Variants in ANKFN1 observed in about 807,000 individuals in gnomAD.
ANKFN1 encodes ankyrin repeat and fibronectin type-III domain-containing protein 1.
ANKFN1 carries 74 observed loss-of-function variants against 108.7 expected under a neutral mutation model. That is an observed-to-expected ratio of 0.68 (90% CI 0.56 to 0.83). The LOEUF (loss-of-function observed/expected upper bound fraction) is 0.83, where lower values mean the gene tolerates loss of function less well. ANKFN1 is among the 40% of genes least tolerant of loss of function. The probability of loss-of-function intolerance (pLI) is 0.00; values close to 1 mark genes in which losing one functional copy is unlikely to be tolerated. For synonymous variants in ANKFN1, 547 were observed against 516.2 expected, an observed-to-expected ratio of 1.06 and a Z score of -0.81; for missense variants, 1,505 against 1,382.3, an observed-to-expected ratio of 1.09 and a Z score of -1.41.
At chr17:56,167,701 A>G (rs1910281776) in intron 1 of ANKFN1, among the ~76,000 whole-genome samples, 2 of 152,136 alleles carry the variant, frequency 1.3e-5, no homozygotes, top group African/African-American at 2.4e-5. Context: ...GGCAAGCAGG[A>G]AGCTCTGCAC....
chr17:56,223,219 A>G (rs1047534996), intron 2 of ANKFN1, among the ~76,000 whole-genome samples: 10 of 152,232 alleles, frequency 6.6e-5, no homozygotes, highest in Admixed American at 5.9e-4. Context: ...TAGAAGGATA[A>G]CCTCACATGC....
intron 8 of ANKFN1, among the ~76,000 whole-genome samples, chr17:56,434,915 A>G (rs1293258752): frequency 6.6e-6 from 1 of 152,138 alleles, no homozygotes; most frequent in Non-Finnish European, 1.5e-5. Flanking sequence ...TCCGTTCATT[A>G]GCTAAGGCGC....
At chr17:56,187,297 A>G (rs1048862400) in intron 1 of ANKFN1, among the ~76,000 whole-genome samples, 59 of 152,356 alleles carry the variant, frequency 3.9e-4, no homozygotes, top group Non-Finnish European at 1.2e-4. Flanking sequence ...ACACTTCTCA[A>G]AAGAAGACAT....
chr17:56,152,758 C>T (rs1908738064), upstream of ANKFN1, among the ~76,000 whole-genome samples: 1 of 152,188 alleles, frequency 6.6e-6, no homozygotes, highest in African/African-American at 2.4e-5. Flanking sequence ...GCTCAACATA[C>T]TCCTCCTTTG....
chr17:56,477,449 T>G, intron 15 of ANKFN1, 39 bp from the exon 16 acceptor site: 11 of 1,508,688 alleles, frequency 7.3e-6, no homozygotes, highest in Non-Finnish European at 8.8e-6. Flanking sequence ...TTCGAGTTGT[T>G]TTCTTGTTTT....
Position 56,372,818 on chromosome 17 carries a change from G to A in ANKFN1, c.774G>A (p.Met258Ile), listed in dbSNP as rs1235368649. ...WEWRYRLYRRMKTGFEHARAP... is the reference protein window; with the variant it reads ...WEWRYRLYRRIKTGFEHARAP... ...GGAGGTATCGGCTCTACAGACGCAT[G>A]AAAACAGGCTTTGAGCATGCCAGTG... Residue 258 changes from methionine to isoleucine, a missense_variant, in exon 7 of 21, where the codon ATG (methionine) becomes ATA (isoleucine). By Grantham distance (10) the Met-to-Ile change is conservative. Coordinates refer to ENST00000682825, the MANE Select transcript of ANKFN1 (RefSeq NM_001370326.1). 1.9e-6 allele frequency: 3 copies of A among 1,613,554 alleles called. No homozygotes were observed. Among genetic ancestry groups the A allele is most frequent in the South Asian group, 2.2e-5 (2 of 91,050 alleles).
At chr17:56,204,084 T>C (rs971705458) in intron 1 of ANKFN1, among the ~76,000 whole-genome samples, 4 of 152,208 alleles carry the variant, frequency 2.6e-5, no homozygotes, top group Non-Finnish European at 5.9e-5. Flanking sequence ...TCTCACTCTG[T>C]TGCTCAGGCT....
In ANKFN1 at chr17:56,510,890, A is replaced by G. The variant is rs1009209287; in HGVS notation, c.3062A>G (p.His1021Arg). Residue 1021 changes from histidine to arginine, a missense_variant, in exon 21 of 21, where the codon CAC becomes CGC. Transcript: ENST00000682825. ...CGCCATCATCGCTGGTTGCGCATCCACAGCGAGACCCAGTCGCTATCGCTC... is the reference window on the plus strand; with the variant it reads ...CGCCATCATCGCTGGTTGCGCATCCGCAGCGAGACCCAGTCGCTATCGCTC... Reference protein sequence around the residue: ...FSRHHRWLRIHSETQSLSLSE... With the variant: ...FSRHHRWLRIRSETQSLSLSE... The G allele has an allele frequency of 2.5e-5, 38 of 1,536,052 alleles. No individual in the cohort carries two copies. The highest frequency in any genetic ancestry group is 1.2e-4 in the East Asian group (5 of 40,912).
intron 3 of ANKFN1, among the ~76,000 whole-genome samples, chr17:56,278,564 C>A (rs1222410251): frequency 6.6e-6 from 1 of 152,204 alleles, no homozygotes; most frequent in Non-Finnish European, 1.5e-5. Context: ...ACCCCACATA[C>A]AATTCCAGTT....
intron 1 of ANKFN1, among the ~76,000 whole-genome samples, chr17:56,168,856 G>C (rs1910395464): frequency 6.6e-6 from 1 of 152,238 alleles, no homozygotes; most frequent in Non-Finnish European, 1.5e-5. Context: ...TATTTGGAAA[G>C]GGAGGTTGAG....
chr17:56,397,983 G>T (rs1463148483), intron 8 of ANKFN1, among the ~76,000 whole-genome samples: 1 of 152,110 alleles, frequency 6.6e-6, no homozygotes, highest in African/African-American at 2.4e-5. Context: ...GAAGTGACAG[G>T]GGAGGTGGCA....
chr17:56,127,187 A>G (rs1295863554), intron 4 of ANKFN1, among the ~76,000 whole-genome samples: 1 of 152,230 alleles, frequency 6.6e-6, no homozygotes, highest in Admixed American at 6.5e-5. Flanking sequence ...TTATCTTGTT[A>G]TCATGATTTT....
intron 2 of ANKFN1, among the ~76,000 whole-genome samples, chr17:56,226,874 C>T (rs1192583693): frequency 2.0e-5 from 3 of 151,992 alleles, no homozygotes; most frequent in African/African-American, 7.2e-5. Context: ...TTTTATTTAA[C>T]CTTTATGGCA....
chr17:56,151,016 G>A (rs1358719281), upstream of ANKFN1, among the ~76,000 whole-genome samples: 1 of 152,184 alleles, frequency 6.6e-6, no homozygotes, highest in Non-Finnish European at 1.5e-5. Context: ...GTGAGAGGCA[G>A]GATGGAGGGA....
chr17:56,105,182 G>T (rs1031438065), intron 4 of ANKFN1, among the ~76,000 whole-genome samples: 3 of 152,088 alleles, frequency 2.0e-5, no homozygotes, highest in Admixed American at 6.5e-5. Context: ...TTTACCAGGC[G>T]CACTGAATGT....
intron 11 of ANKFN1, among the ~76,000 whole-genome samples, chr17:56,454,484 T>C (rs535479787): frequency 1.3e-5 from 2 of 152,336 alleles, no homozygotes; most frequent in Admixed American, 1.3e-4. Context: ...GTTAGATGCT[T>C]TTCTCAACTG....
intron 4 of ANKFN1, among the ~76,000 whole-genome samples, chr17:56,135,380 G>A (rs1907538215): frequency 6.6e-6 from 1 of 152,130 alleles, no homozygotes; most frequent in African/African-American, 2.4e-5. Flanking sequence ...ATGAGATTCG[G>A]AATTCAAATA....
intron 6 of ANKFN1, among the ~76,000 whole-genome samples, chr17:56,372,204 A>G (rs2046828844): frequency 6.6e-6 from 1 of 152,252 alleles, no homozygotes; most frequent in African/African-American, 2.4e-5. Context: ...AAGCAAAACA[A>G]AACTTCATCA....
intron 20 of ANKFN1, among the ~76,000 whole-genome samples, chr17:56,500,476 T>A (rs993822712): frequency 6.6e-6 from 1 of 152,196 alleles, no homozygotes; most frequent in Non-Finnish European, 1.5e-5. Flanking sequence ...AAATATCATC[T>A]CTGCCAGAAG....
Sources: allele counts gnomAD v4.1 joint callset (sites outside exome capture counted in the v4.1 genomes callset), GRCh38; gene constraint gnomAD v4.1.1; transcripts MANE v1.5; gene names NCBI Gene and HGNC (gene_info 2026-07-23, HGNC 2026-07-21).